Variants in MAGI2 observed in about 807,000 individuals in gnomAD.
The protein encoded by MAGI2 is membrane-associated guanylate kinase, WW and PDZ domain-containing protein 2.
A neutral mutation model predicts 133.3 loss-of-function variants in MAGI2; 35 were observed. The observed-to-expected ratio is 0.26, with a 90% CI of 0.20 to 0.35. The LOEUF (loss-of-function observed/expected upper bound fraction) is 0.35, where lower values mean the gene tolerates loss of function less well. Ranked by LOEUF, MAGI2 falls within the 10% of genes least tolerant of loss-of-function variation. MAGI2 has a pLI of 1.00. For synonymous variants in MAGI2, 729 were observed against 710.6 expected (o/e 1.03, Z -0.41); for missense variants, 1,636 against 1,863.4 (o/e 0.88, Z 2.25).
intron 2 of MAGI2, among the ~76,000 whole-genome samples, chr7:78,921,995 A>C (rs1584398673): frequency 6.6e-6 from 1 of 152,020 alleles, no homozygotes; most frequent in East Asian, 1.9e-4. Flanking sequence ...CATGGGAAAA[A>C]CAAATTCTTC....
At chr7:78,880,382 C>G (rs1028449280) in intron 2 of MAGI2, among the ~76,000 whole-genome samples, 1 of 152,120 alleles carries the variant, frequency 6.6e-6, no homozygotes, top group African/African-American at 2.4e-5. Flanking sequence ...GACTTCTCAG[C>G]AGAAACCTGA....
chr7:78,951,641 A>C (rs982454280), intron 2 of MAGI2, among the ~76,000 whole-genome samples: 1 of 152,170 alleles, frequency 6.6e-6, no homozygotes, highest in Admixed American at 6.5e-5. Flanking sequence ...AAACCATATC[A>C]ATTGCCTGTT....
In MAGI2 at chr7:78,793,399, A is replaced by G. The variant is rs139495967; in HGVS notation, c.419-166160T>C. 3.2e-3 allele frequency among the ~76,000 whole-genome samples: 480 copies of G among 152,306 alleles called. 1 individual carries two copies. Among genetic ancestry groups the G allele is most frequent in the African/African-American group, 0.011 (455 of 41,566 alleles). Reference sequence around the variant, plus strand: ...TGGCATCTAGTGGGTAATTGCCAGAAATGCTGCTAAACATCTGACAATACA... The same window carrying G: ...TGGCATCTAGTGGGTAATTGCCAGAGATGCTGCTAAACATCTGACAATACA... On this transcript the variant is annotated intron_variant, in intron 2 of 21. Transcript: ENST00000354212.
chr7:78,425,347 C>T (rs144109875), intron 6 of MAGI2, among the ~76,000 whole-genome samples: 595 of 152,254 alleles, frequency 3.9e-3, no homozygotes, highest in Non-Finnish European at 6.7e-3. Context: ...TCCAATTAAA[C>T]CTCTTTCTTT....
At chr7:78,380,483 C>A (rs1794822443) in intron 6 of MAGI2, among the ~76,000 whole-genome samples, 2 of 152,142 alleles carry the variant, frequency 1.3e-5, no homozygotes, top group South Asian at 4.2e-4. Flanking sequence ...GTAAGTGAAA[C>A]AAGCCAGGCA....
intron 4 of MAGI2, among the ~76,000 whole-genome samples, chr7:78,503,584 T>TCCTCCCCCTCCTCCTCCTCCCCC (rs1338815542): frequency 3.9e-4 from 14 of 36,218 alleles, no homozygotes; most frequent in African/African-American, 1.3e-3. Flanking sequence ...CTCCCCCTCC[T>TCCTCCCCCTCCTCCTCCTCCCCC]CCTCCTCCCC....
At chr7:78,543,542 C>T (rs1210747762) in intron 3 of MAGI2, among the ~76,000 whole-genome samples, 1 of 152,196 alleles carries the variant, frequency 6.6e-6, no homozygotes, top group Non-Finnish European at 1.5e-5. Context: ...TGAGGCCATT[C>T]GAATCAGACT....
intron 5 of MAGI2, among the ~76,000 whole-genome samples, chr7:78,494,525 C>A (rs1554441322): frequency 6.6e-6 from 1 of 152,120 alleles, no homozygotes; most frequent in Non-Finnish European, 1.5e-5. Context: ...GGGTACAAAC[C>A]TTTTTTCCAT....
intron 4 of MAGI2, among the ~76,000 whole-genome samples, chr7:78,505,574 G>A (rs1563095818): frequency 6.6e-6 from 1 of 152,146 alleles, no homozygotes; most frequent in South Asian, 2.1e-4. Flanking sequence ...CAAATGCAAG[G>A]TCATGCTCTG....
At chr7:78,186,952 A>G (rs1827751301) in intron 12 of MAGI2, among the ~76,000 whole-genome samples, 1 of 152,168 alleles carries the variant, frequency 6.6e-6, no homozygotes, top group African/African-American at 2.4e-5. Flanking sequence ...AGAGATGGGC[A>G]GAAGACACAT....
chr7:78,860,619 G>C (rs1324613422), intron 2 of MAGI2, among the ~76,000 whole-genome samples: 1 of 152,130 alleles, frequency 6.6e-6, no homozygotes, highest in East Asian at 1.9e-4. Context: ...TCGTCTCAGA[G>C]GGGCCCCCGG....
At chr7:78,394,112 C>G (rs1796133492) in intron 6 of MAGI2, among the ~76,000 whole-genome samples, 1 of 152,054 alleles carries the variant, frequency 6.6e-6, no homozygotes, top group Non-Finnish European at 1.5e-5. Flanking sequence ...TGTCTGAGGG[C>G]AGGAGAAGAT....
chr7:78,482,847 T>C (rs1322574484), intron 6 of MAGI2, among the ~76,000 whole-genome samples: 3 of 150,836 alleles, frequency 2.0e-5, no homozygotes, highest in Non-Finnish European at 4.4e-5. Flanking sequence ...TACTTATGTA[T>C]AACTACACAT....
chr7:79,024,228 TG>T (rs1175599951), intron 1 of MAGI2, among the ~76,000 whole-genome samples: 1 of 152,092 alleles, frequency 6.6e-6, no homozygotes, highest in Non-Finnish European at 1.5e-5. Context: ...AAACAAGCAA[TG>T]GGGAAAGTAT....
intron 5 of MAGI2, among the ~76,000 whole-genome samples, chr7:78,497,206 T>C (rs1486678936): frequency 6.6e-6 from 1 of 152,212 alleles, no homozygotes; most frequent in Non-Finnish European, 1.5e-5. Flanking sequence ...TACACAGTAT[T>C]ATACATTTAA....
chr7:78,258,855 G>A (rs549703985), intron 9 of MAGI2, among the ~76,000 whole-genome samples: 7 of 152,078 alleles, frequency 4.6e-5, no homozygotes, highest in East Asian at 1.9e-4. Flanking sequence ...AATGGACACC[G>A]GAGTTATGAC....
chr7:78,382,137 T>A (rs1045972063), intron 6 of MAGI2, among the ~76,000 whole-genome samples: 2 of 152,068 alleles, frequency 1.3e-5, no homozygotes, highest in African/African-American at 2.4e-5. Flanking sequence ...GTCTCTATGA[T>A]CTGATATGTG....
intron 1 of MAGI2, among the ~76,000 whole-genome samples, chr7:79,011,363 C>A (rs1158711684): frequency 6.6e-6 from 1 of 152,070 alleles, no homozygotes. Flanking sequence ...TTCCTTAAGG[C>A]AATTTGTTAG....
intron 15 of MAGI2, among the ~76,000 whole-genome samples, chr7:78,161,544 A>G (rs1370142140): frequency 1.3e-5 from 2 of 152,018 alleles, no homozygotes; most frequent in Non-Finnish European, 2.9e-5. Flanking sequence ...ATGGCAAATT[A>G]AAAATAATTT....
Sources: allele counts gnomAD v4.1 joint callset (sites outside exome capture counted in the v4.1 genomes callset), GRCh38; gene constraint gnomAD v4.1.1; transcripts MANE v1.5; gene names NCBI Gene and HGNC (gene_info 2026-07-23, HGNC 2026-07-21).